LTBP2: variants seen among roughly 807,000 people sequenced by gnomAD.
LTBP2 encodes the protein latent-transforming growth factor beta-binding protein 2.
Under a neutral mutation model 210.6 loss-of-function variants are expected in LTBP2, and 103 were observed. That is an observed-to-expected ratio of 0.49 (90% CI 0.42 to 0.58). LTBP2 has a LOEUF of 0.58. LTBP2 is among the 20% of genes least tolerant of loss of function. The probability of loss-of-function intolerance (pLI) is 0.00; values close to 1 mark genes in which losing one functional copy is unlikely to be tolerated. For synonymous variants in LTBP2, 1,007 were observed against 1,015.0 expected (o/e 0.99, Z 0.15); for missense variants, 2,313 against 2,494.5 (o/e 0.93, Z 1.55).
intron 18 of LTBP2, among the ~76,000 whole-genome samples, chr14:74,511,646 C>T (rs1389272624): frequency 1.3e-5 from 2 of 152,204 alleles, no homozygotes; most frequent in Non-Finnish European, 2.9e-5. Flanking sequence ...AGAGGCTCCA[C>T]TTTGTGAGCT....
chr14:74,509,038 T>A lies in LTBP2; in HGVS notation c.3404-86A>T, dbSNP rs751463427. 1.9e-6 allele frequency: 3 copies of A among 1,594,306 alleles called. 1 individual carries two copies. The highest frequency in any genetic ancestry group is 3.5e-4 in the Middle Eastern group (2 of 5,656). ...AAGGGGGAAGTCTCCAGAGGACCTG[T>A]CACCTGCCTGCAGAGCTGGACCCAC... On this transcript the variant is annotated intron_variant, in intron 22 of 35. Coordinates refer to ENST00000261978, the MANE Select transcript of LTBP2 (RefSeq NM_000428.3).
At chr14:74,552,456 G>A (rs1343681189) in intron 5 of LTBP2, 63 bp from the exon 6 acceptor site, 12 of 1,459,062 alleles carry the variant, frequency 8.2e-6, no homozygotes, top group Non-Finnish European at 1.0e-5. Flanking sequence ...TCTGTGGCTG[G>A]TGACCACCAC....
In LTBP2 at chr14:74,500,156, C is replaced by T. The variant is rs1195519937; in HGVS notation, c.*728G>A. 1 of 234,598 alleles carries T rather than the reference C, an allele frequency of 4.3e-6. No individual in the cohort carries two copies. Among genetic ancestry groups the T allele is most frequent in the African/African-American group, 2.2e-5 (1 of 45,334 alleles). The allele number at this position is 234,598 out of a possible 1,614,324, so 14.5% of individuals were successfully genotyped here. Reference sequence around the variant, plus strand: ...TTTCTTTAGACGTATAAAGCCTTGGCTCCCCTTTCTCATCAACTCCACGTA... The same window carrying T: ...TTTCTTTAGACGTATAAAGCCTTGGTTCCCCTTTCTCATCAACTCCACGTA... On this transcript the variant is annotated 3_prime_UTR_variant, in exon 36 of 36. Transcript: ENST00000261978.
chr14:74,530,997 G>T (rs2087343143), intron 10 of LTBP2, among the ~76,000 whole-genome samples: 1 of 152,234 alleles, frequency 6.6e-6, no homozygotes, highest in African/African-American at 2.4e-5. Context: ...CCGTCTGTGA[G>T]CCCTGGATCT....
At chr14:74,548,850 G>A (rs1195451059) in intron 8 of LTBP2, among the ~76,000 whole-genome samples, 3 of 152,250 alleles carry the variant, frequency 2.0e-5, no homozygotes, top group African/African-American at 7.2e-5. Flanking sequence ...GAGGTGATCA[G>A]GAAGAGCTGG....
chr14:74,501,959 C>T (rs2086916132), intron 34 of LTBP2: 1 of 339,846 alleles, frequency 2.9e-6, no homozygotes, highest in South Asian at 2.9e-5. Context: ...TAAACCTTCA[C>T]ATCGTGTTTT....
At chr14:74,565,361 G>T (rs944244301) in intron 3 of LTBP2, among the ~76,000 whole-genome samples, 12 of 152,170 alleles carry the variant, frequency 7.9e-5, no homozygotes, top group African/African-American at 2.9e-4. Context: ...GATGATTATT[G>T]CAGTGAAAGA....
intron 3 of LTBP2, among the ~76,000 whole-genome samples, chr14:74,574,236 C>T (rs981587683): frequency 7.9e-5 from 12 of 152,326 alleles, no homozygotes. Flanking sequence ...CTAACCACTA[C>T]CGTACTGTTA....
Position 74,507,908 on chromosome 14 carries a change from G to A in LTBP2, c.3775+65C>T, listed in dbSNP as rs1489076719. On this transcript the variant is annotated intron_variant, in intron 25 of 35. Coordinates refer to ENST00000261978, the MANE Select transcript of LTBP2 (RefSeq NM_000428.3). ...AGTGCTCTGCTCCATGGGAGCTAAG[G>A]ACCAGGCAGTGTAGAGATGGGCAGA... is the stretch of plus-strand genomic sequence containing the variant. The A allele has an allele frequency of 1.9e-6, 3 of 1,606,612 alleles. No homozygotes were observed. The South Asian group carries it at 3.3e-5, about 18-fold the overall frequency.
rs749789260 is a variant in LTBP2, at chr14:74,507,954, C to T, written c.3775+19G>A. The T allele has an allele frequency of 1.9e-6, 3 of 1,612,258 alleles. No homozygotes were observed. Among genetic ancestry groups the T allele is most frequent in the South Asian group, 2.2e-5 (2 of 91,026 alleles). On this transcript the variant is annotated intron_variant, in intron 25 of 35. Transcript: ENST00000261978. ...GCAGATGTGGGCAGAGCCCTGTGCC[C>T]TCCCCCCAGAGCCCTTACCCACACA...
At chr14:74,506,915 G>T in intron 26 of LTBP2, 92 bp from the exon 27 acceptor site, 2 of 1,581,622 alleles carry the variant, frequency 1.3e-6, no homozygotes, top group East Asian at 2.3e-5. Context: ...TCACACGCAT[G>T]CACACTCTCT....
At chr14:74,610,480 C>G (rs1392458045) in intron 1 of LTBP2, among the ~76,000 whole-genome samples, 1 of 152,344 alleles carries the variant, frequency 6.6e-6, no homozygotes, top group East Asian at 1.9e-4. Context: ...CTAAACCCAA[C>G]TGGCAAATCG....
At chr14:74,594,561 C>T (rs936460159) in intron 2 of LTBP2, among the ~76,000 whole-genome samples, 2 of 152,236 alleles carry the variant, frequency 1.3e-5, no homozygotes, top group Non-Finnish European at 2.9e-5. Context: ...CAGCTAGAGG[C>T]CTTCGCAGAC....
intron 26 of LTBP2, 93 bp from the exon 27 acceptor site, chr14:74,506,916 C>T: frequency 1.3e-6 from 2 of 1,579,690 alleles, no homozygotes; most frequent in South Asian, 1.1e-5. Flanking sequence ...CACACGCATG[C>T]ACACTCTCTC....
In LTBP2 at chr14:74,535,842, G is replaced by T. The variant is rs781159224; in HGVS notation, c.1864+84C>A. ...TAGAGGGACTCAGTGGAGACCACTC[G>T]GCCAGTGACAGACACCCCTCCTGTC... On this transcript the variant is annotated intron_variant, in intron 9 of 35. Coordinates refer to ENST00000261978, the MANE Select transcript of LTBP2 (RefSeq NM_000428.3). 3.2e-6 allele frequency: 4 copies of T among 1,233,580 alleles called. No individual in the cohort carries two copies. In the African/African-American group the frequency reaches 4.5e-5, roughly 14 times the overall value. The allele number at this position is 1,233,580 out of a possible 1,614,324, so 76.4% of individuals were successfully genotyped here.
At chr14:74,598,672 C>T (rs954235826) in intron 2 of LTBP2, among the ~76,000 whole-genome samples, 3 of 152,142 alleles carry the variant, frequency 2.0e-5, no homozygotes, top group Non-Finnish European at 2.9e-5. Context: ...CAATGTTGAT[C>T]CCAGTTTACA....
intron 2 of LTBP2, among the ~76,000 whole-genome samples, chr14:74,595,109 C>A (rs909904659): frequency 4.6e-5 from 7 of 152,260 alleles, no homozygotes; most frequent in Middle Eastern, 3.2e-3. Context: ...TCTCTGCAGA[C>A]GCTGTCTGGC....
rs969867945 is a variant in LTBP2 at position 74,509,432 on chromosome 14, A to G, written c.3278-69T>C. The stretch of plus-strand genomic sequence containing the variant: ...ACTCCCCAGGCAATGCAGGAACCTC[A>G]CCGTGGCTTCCCTCTCTGAGCCCCT... On this transcript the variant is annotated intron_variant, in intron 21 of 35. Transcript: ENST00000261978. 8 of 1,601,326 alleles carry G rather than the reference A, an allele frequency of 5.0e-6. No individual in the cohort carries two copies. The African/African-American group carries it at 1.1e-4, about 21-fold the overall frequency.
rs913148674 is a variant in LTBP2 at position 74,500,142 on chromosome 14, G to A, written c.*742C>T. 2.6e-5 allele frequency: 6 copies of A among 233,994 alleles called. No homozygotes were observed. Among genetic ancestry groups the A allele is most frequent in the Admixed American group, 1.1e-4 (2 of 17,994 alleles). The allele number at this position is 233,994 out of a possible 1,614,324, so 14.5% of individuals were successfully genotyped here. The stretch of plus-strand genomic sequence containing the variant: ...CAGCTACTGAATATTTTCTTTAGAC[G>A]TATAAAGCCTTGGCTCCCCTTTCTC... On this transcript the variant is annotated 3_prime_UTR_variant, in exon 36 of 36. Coordinates refer to ENST00000261978, the MANE Select transcript of LTBP2 (RefSeq NM_000428.3).
Sources: gnomAD v4.1 joint callset for allele counts (sites outside exome capture counted in the v4.1 genomes callset) on GRCh38, gnomAD v4.1.1 for gene constraint, MANE v1.5 for transcripts, NCBI Gene and HGNC (gene_info 2026-07-23, HGNC 2026-07-21) for gene names.